CEMIP2: variants seen among roughly 807,000 people sequenced by gnomAD.
CEMIP2 encodes cell migration inducing hyaluronidase 2, also known as cell surface hyaluronidase CEMIP2.
In CEMIP2, 79 loss-of-function variants were observed where a neutral mutation model predicts 146.9. The observed-to-expected ratio is 0.54, with a 90% confidence interval of 0.45 to 0.65. The LOEUF (loss-of-function observed/expected upper bound fraction) is 0.65. CEMIP2 is among the 30% of genes least tolerant of loss of function. The probability of loss-of-function intolerance (pLI) is 0.00; values close to 1 mark genes in which losing one functional copy is unlikely to be tolerated. For missense variants in CEMIP2, 1,596 were observed against 1,696.2 expected, an observed-to-expected ratio of 0.94 and a Z score of 1.04; for synonymous variants, 601 against 606.3, an observed-to-expected ratio of 0.99 and a Z score of 0.13.
Position 71,750,068 on chromosome 9 carries a change from T to C in CEMIP2, c.306A>G (p.Gly102=). The C allele has an allele frequency of 6.2e-7, 1 of 1,608,636 alleles. No homozygotes were observed. The highest frequency in any genetic ancestry group is 8.5e-7 in the Non-Finnish European group (1 of 1,177,068). ...CATCTGGAGCATATTTTGAGGATAT[T>C]CCTAAAATGATTGCAAGTGCAATAA... The part of the protein sequence containing the change: ...SFFIALAIIL[G]ISSKYAPDEN... The change falls in exon 2 of 24, where the codon GGA becomes GGG. Residue 102 remains glycine, a synonymous_variant. Coordinates refer to ENST00000377044, the MANE Select transcript of CEMIP2 (RefSeq NM_013390.3).
intron 12 of CEMIP2, 136 bp downstream of exon 12, chr9:71,722,291 T>TGTTG: frequency 1.6e-6 from 1 of 609,518 alleles, no homozygotes; most frequent in South Asian, 2.5e-5. Context: ...ATAAGTGGTT[T>TGTTG]TCCAAAAACC....
chr9:71,700,754 G>A lies in CEMIP2; in HGVS notation c.3265C>T (p.Gln1089Ter). The A allele has an allele frequency of 6.2e-7, 1 of 1,614,130 alleles. No homozygotes were observed. Residue 1089 changes from glutamine (Q) to a stop codon, truncating the protein, a stop_gained, in exon 19 of 24, where the codon CAG (glutamine) becomes TAG (stop). Coordinates refer to ENST00000377044, the MANE Select transcript of CEMIP2 (RefSeq NM_013390.3). LOFTEE classifies it high-confidence loss of function. Reference protein sequence around the residue: ...TSFQVTFGYLQRQNGSLSKIE... With the variant: ...TSFQVTFGYL ...TTGGATAATGAGCCATTCTGCCGCT[G>A]CAAATAGCCAAAGGTAACTTGAAAA...
intron 16 of CEMIP2, among the ~76,000 whole-genome samples, chr9:71,709,788 T>A (rs1822854055): frequency 1.3e-5 from 2 of 152,316 alleles, no homozygotes; most frequent in African/African-American, 4.8e-5. Flanking sequence ...AACTCATTTG[T>A]GGGGAGAGAA....
At chr9:71,761,761 G>A (rs964410429) in intron 1 of CEMIP2, among the ~76,000 whole-genome samples, 1 of 152,242 alleles carries the variant, frequency 6.6e-6, no homozygotes, top group South Asian at 2.1e-4. Context: ...CAGCATTTGG[G>A]GGTAGAAAGA....
Position 71,715,017 on chromosome 9 carries a change from C to A in CEMIP2, c.2508G>T (p.Arg836Ser). 6.2e-7 allele frequency: 1 copy of A among 1,613,986 alleles called. No individual in the cohort carries two copies. The highest frequency in any genetic ancestry group is 1.1e-5 in the South Asian group (1 of 91,082). The stretch of plus-strand genomic sequence containing the variant: ...TCTGACCACCCTGAAAGCCGTAATT[C>A]CTGCTCTCCCCAACAAAGAGAGATT... ...VSESLFVGES[R>S]NYGFQGGQNK... is the part of the protein sequence containing the mutation. The change falls in exon 15 of 24, where the codon AGG (arginine) becomes AGT (serine). Residue 836 changes from arginine to serine, a missense_variant. Arg to Ser is a moderately radical substitution (Grantham distance 110, BLOSUM62 -1). Coordinates refer to ENST00000377044, the MANE Select transcript of CEMIP2 (RefSeq NM_013390.3).
At chr9:71,763,341 G>A (rs145930210) in intron 1 of CEMIP2, among the ~76,000 whole-genome samples, 3 of 152,244 alleles carry the variant, frequency 2.0e-5, no homozygotes, top group Non-Finnish European at 4.4e-5. Context: ...ACTGGAGGGG[G>A]ACTTAATCTG....
At chr9:71,739,275 G>A (rs1823846798) in intron 5 of CEMIP2, among the ~76,000 whole-genome samples, 1 of 137,848 alleles carries the variant, frequency 7.3e-6, no homozygotes, top group African/African-American at 2.7e-5. Context: ...GGCTGAGGCA[G>A]AGAATTGCTT....
At chr9:71,690,284 T>C in intron 21 of CEMIP2, 38 bp from the exon 22 acceptor site, 3 of 1,601,924 alleles carry the variant, frequency 1.9e-6, no homozygotes, top group Non-Finnish European at 2.6e-6. Context: ...TCATCATCAT[T>C]TTGAGAACAT....
chr9:71,697,849 TG>T, intron 20 of CEMIP2, 135 bp downstream of exon 20: 3 of 862,086 alleles, frequency 3.5e-6, no homozygotes, highest in Non-Finnish European at 5.2e-6. Context: ...CATTTTAGCA[TG>T]GGCCAAAATT....
chr9:71,727,691 G>A, intron 10 of CEMIP2, among the ~76,000 whole-genome samples: 1 of 152,100 alleles, frequency 6.6e-6, no homozygotes, highest in East Asian at 1.9e-4. Context: ...TGAATATTTA[G>A]GTATCACTGC....
chr9:71,750,391 A>G lies in CEMIP2; in HGVS notation c.-12-6T>C. On this transcript the variant is annotated splice_region_variant and splice_polypyrimidine_tract_variant and intron_variant, in intron 1 of 23. Coordinates refer to ENST00000377044, the MANE Select transcript of CEMIP2 (RefSeq NM_013390.3). ...GCATACATGATACACTGTTACTGTG[A>G]AAAGAAAAAAAAATTAAGCTTCAGT... 6.5e-7 allele frequency: 1 copy of G among 1,534,830 alleles called. No individual in the cohort carries two copies. Among genetic ancestry groups the G allele is most frequent in the Non-Finnish European group, 8.8e-7 (1 of 1,142,660 alleles).
intron 21 of CEMIP2, among the ~76,000 whole-genome samples, chr9:71,691,804 TA>T (rs1027784397): frequency 6.6e-6 from 1 of 150,566 alleles, no homozygotes. Context: ...GACACTGTCT[TA>T]AAAAAAAAGC....
In CEMIP2 at chr9:71,728,239, A is replaced by ACGTATATATATACACG. The variant is rs374715353; in HGVS notation, c.2049+1605_2049+1606insCGTGTATATATATACG. 1.0e-4 allele frequency among the ~76,000 whole-genome samples: 3 copies of ACGTATATATATACACG among 30,062 alleles called. 1 individual carries two copies. 19.7% of individuals were successfully genotyped at this position (30,062 alleles called of 152,430 possible). A position where few individuals can be genotyped will look rare whatever the true frequency, so the allele number is the denominator to read the frequency against. On this transcript the variant is annotated intron_variant, in intron 10 of 23. Coordinates refer to ENST00000377044, the MANE Select transcript of CEMIP2 (RefSeq NM_013390.3). ...TCTCTCTCTCTCTCTCTCTATATAT[A>ACGTATATATATACACG]TATATATATATGTATATACACGTAT... is the stretch of plus-strand genomic sequence containing the variant.
At position 71,685,393 on chromosome 9, in the gene CEMIP2, C is replaced by G; in HGVS notation, c.3956G>C (p.Gly1319Ala). The part of the protein sequence containing the change: ...LAKPAHLYDK[G>A]STIFLGFSGN... ...ACTGAATCCCAAAAATATGGTACTCCCTAAAAAAAAAAAAAAAAAAGAAAA... is the reference window on the plus strand; with the variant it reads ...ACTGAATCCCAAAAATATGGTACTCGCTAAAAAAAAAAAAAAAAAAGAAAA... Residue 1319 changes from glycine to alanine, a missense_variant and splice_region_variant, in exon 24 of 24, where the codon GGG becomes GCG. Coordinates refer to ENST00000377044, the MANE Select transcript of CEMIP2 (RefSeq NM_013390.3). The G allele has an allele frequency of 8.4e-7, 1 of 1,186,362 alleles. No homozygotes were observed. The highest frequency in any genetic ancestry group is 1.0e-6 in the Non-Finnish European group (1 of 952,760). 73.5% of individuals were successfully genotyped at this position (1,186,362 alleles called of 1,614,324 possible).
chr9:71,697,091 G>T (rs11142962), intron 20 of CEMIP2, among the ~76,000 whole-genome samples: 4,421 of 152,302 alleles, frequency 0.029, 96 homozygotes, highest in Non-Finnish European at 0.047. Flanking sequence ...TGCAGGGCTG[G>T]TTAAAATAGA....
At chr9:71,759,502 C>G (rs1230977374) in intron 1 of CEMIP2, among the ~76,000 whole-genome samples, 1 of 152,096 alleles carries the variant, frequency 6.6e-6, no homozygotes, top group Non-Finnish European at 1.5e-5. Context: ...AACCCAACTT[C>G]CCAATGAGGC....
intron 21 of CEMIP2, among the ~76,000 whole-genome samples, chr9:71,694,015 C>G: frequency 6.6e-6 from 1 of 152,222 alleles, no homozygotes; most frequent in East Asian, 1.9e-4. Context: ...ATGAACCAGG[C>G]TCACCAGACA....
At chr9:71,754,417 A>G (rs1269075554) in intron 1 of CEMIP2, among the ~76,000 whole-genome samples, 4 of 152,202 alleles carry the variant, frequency 2.6e-5, no homozygotes, top group Non-Finnish European at 4.4e-5. Context: ...GGCAAACTTA[A>G]GCACCATTTT....
At chr9:71,697,514 T>C (rs990326430) in intron 20 of CEMIP2, among the ~76,000 whole-genome samples, 3 of 152,170 alleles carry the variant, frequency 2.0e-5, no homozygotes, top group African/African-American at 7.2e-5. Flanking sequence ...TAATTACAGA[T>C]AGATATAATA....
Sources: allele counts gnomAD v4.1 joint callset (sites outside exome capture counted in the v4.1 genomes callset), GRCh38; gene constraint gnomAD v4.1.1; transcripts MANE v1.5; gene names NCBI Gene and HGNC (gene_info 2026-07-23, HGNC 2026-07-21).